Variants in DNAH11 observed in about 807,000 individuals in gnomAD.
DNAH11 encodes dynein axonemal heavy chain 11.
A neutral mutation model predicts 526.0 loss-of-function variants in DNAH11; 442 were observed. The observed-to-expected ratio is 0.84, with a 90% confidence interval of 0.78 to 0.91. The LOEUF is 0.91. Among genes scored for constraint, DNAH11 ranks in the 40% least tolerant of loss-of-function variants. The pLI, the probability that DNAH11 is intolerant of heterozygous loss-of-function variation, is 0.00. For synonymous variants in DNAH11, 2,461 were observed against 1,935.9 expected (o/e 1.27, Z -7.12); for missense variants, 6,989 against 5,448.7 (o/e 1.28, Z -8.90).
intron 54 of DNAH11, among the ~76,000 whole-genome samples, chr7:21,764,610 A>AG (rs906457409): frequency 6.6e-6 from 1 of 152,144 alleles, no homozygotes; most frequent in Non-Finnish European, 1.5e-5. Flanking sequence ...CACTTTACAC[A>AG]GGGTGTCTCT....
chr7:21,692,353 A>G (rs866760393), intron 35 of DNAH11, among the ~76,000 whole-genome samples: 12 of 152,152 alleles, frequency 7.9e-5, no homozygotes, highest in South Asian at 2.1e-4. Context: ...AGCCTCCCAT[A>G]CCAATAATGT....
intron 54 of DNAH11, among the ~76,000 whole-genome samples, chr7:21,763,212 A>G (rs1259030789): frequency 6.6e-6 from 1 of 151,728 alleles, no homozygotes; most frequent in Non-Finnish European, 1.5e-5. Context: ...CGTGGTGGCA[A>G]GTGTCTGTAG....
rs4615458 is a variant in DNAH11, at chr7:21,591,364, A to G, written c.2454A>G (p.Ala818=). 0.42 allele frequency: 680,479 copies of G among 1,613,416 alleles called. 148,040 individuals are homozygous for G. The highest frequency in any genetic ancestry group is 0.76 in the East Asian group (33,893 of 44,818). The change falls in exon 14 of 82, where the codon GCA becomes GCG. Residue 818 remains alanine, a synonymous_variant. Coordinates refer to ENST00000409508, the MANE Select transcript of DNAH11 (RefSeq NM_001277115.2). Reference sequence around the variant, plus strand: ...GGGGCTACATCGAGAGGGTGAGGGCAGCCACGTCCGAGTTGGAGCACAGAG... The same window carrying G: ...GGGGCTACATCGAGAGGGTGAGGGCGGCCACGTCCGAGTTGGAGCACAGAG... The part of the protein sequence containing the change: ...DCWGYIERVR[A]ATSELEHRVE...
chr7:21,852,337 G>A lies in DNAH11; in HGVS notation c.10897-130G>A, dbSNP rs545156323. 9 of 841,130 alleles carry A rather than the reference G, an allele frequency of 1.1e-5. No homozygotes were observed. The East Asian group carries it at 2.6e-4, about 25-fold the overall frequency. The allele number at this position is 841,130 out of a possible 1,614,324, so 52.1% of individuals were successfully genotyped here. ...CAGGAGAATCGCTTTAACCCAGGAG[G>A]CACACGTCGCAGTGAGCCAAGATCA... On this transcript the variant is annotated intron_variant, in intron 66 of 81. Transcript: ENST00000409508.
intron 59 of DNAH11, among the ~76,000 whole-genome samples, chr7:21,787,094 G>T (rs1788225456): frequency 6.6e-6 from 1 of 152,150 alleles, no homozygotes; most frequent in Non-Finnish European, 1.5e-5. Context: ...TGTATAGGAA[G>T]GTGAAGCACA....
rs140852919 is a variant in DNAH11 at position 21,702,963 on chromosome 7, G to C, written c.6273+161G>C. 7.0e-4 allele frequency among the ~76,000 whole-genome samples: 107 copies of C among 152,242 alleles called. 1 individual carries two copies. The highest frequency in any genetic ancestry group is 2.5e-3 in the African/African-American group (104 of 41,538). On this transcript the variant is annotated intron_variant, in intron 37 of 81. Transcript: ENST00000409508. ...TTGAGGATTGGCGTTCCTTATAAGA[G>C]GTCACAAGTGGTCTTGAGTACAAAG...
intron 51 of DNAH11, among the ~76,000 whole-genome samples, chr7:21,748,098 G>A (rs897187155): frequency 3.3e-5 from 5 of 152,188 alleles, no homozygotes; most frequent in Non-Finnish European, 7.3e-5. Flanking sequence ...TAGCGTCTTT[G>A]TTTGATGGGG....
intron 65 of DNAH11, among the ~76,000 whole-genome samples, chr7:21,828,200 C>T (rs540405702): frequency 1.3e-5 from 2 of 152,148 alleles, no homozygotes; most frequent in African/African-American, 2.4e-5. Flanking sequence ...CCACCCTCCT[C>T]GGTCTCCCAA....
intron 26 of DNAH11, among the ~76,000 whole-genome samples, chr7:21,636,907 A>G (rs1164953075): frequency 5.3e-5 from 8 of 152,152 alleles, no homozygotes; most frequent in Admixed American, 2.6e-4. Context: ...AAATAACACT[A>G]CTAGTTTCGG....
chr7:21,760,701 A>G (rs965800142), intron 54 of DNAH11, among the ~76,000 whole-genome samples: 1 of 152,130 alleles, frequency 6.6e-6, no homozygotes, highest in African/African-American at 2.4e-5. Context: ...TGCCTAACCA[A>G]CCATTTATGT....
intron 25 of DNAH11, among the ~76,000 whole-genome samples, chr7:21,621,233 A>C (rs1392496662): frequency 2.0e-5 from 3 of 152,202 alleles, no homozygotes; most frequent in African/African-American, 7.2e-5. Flanking sequence ...AGAAATGGAT[A>C]AATTCCTCGA....
At chr7:21,764,055 C>G (rs757947095) in intron 54 of DNAH11, among the ~76,000 whole-genome samples, 1 of 151,928 alleles carries the variant, frequency 6.6e-6, no homozygotes, top group African/African-American at 2.4e-5. Context: ...TAGAGAGTTT[C>G]CATTCAATGG....
chr7:21,716,792 T>A (rs895309716), intron 42 of DNAH11, among the ~76,000 whole-genome samples: 20 of 152,202 alleles, frequency 1.3e-4, no homozygotes, highest in African/African-American at 4.8e-4. Context: ...ACCATTTCTC[T>A]TGGACCTGAA....
At chr7:21,650,206 T>A (rs1244048079) in intron 28 of DNAH11, among the ~76,000 whole-genome samples, 1 of 152,200 alleles carries the variant, frequency 6.6e-6, no homozygotes, top group Admixed American at 6.5e-5. Context: ...TGCACTGATA[T>A]ACGGATATGT....
At chr7:21,900,599 C>G (rs1408248177) in intron 81 of DNAH11, among the ~76,000 whole-genome samples, 2 of 152,176 alleles carry the variant, frequency 1.3e-5, no homozygotes, top group African/African-American at 4.8e-5. Flanking sequence ...CCACAGGACA[C>G]TTAGTCCCTA....
intron 25 of DNAH11, 81 bp from the exon 26 acceptor site, chr7:21,635,788 CAG>C (rs1583550717): frequency 6.2e-6 from 7 of 1,133,686 alleles, no homozygotes; most frequent in South Asian, 3.8e-5. Context: ...CAGCAATAAA[CAG>C]AGTAGATATA....
intron 64 of DNAH11, among the ~76,000 whole-genome samples, chr7:21,817,575 C>T (rs533298410): frequency 6.6e-6 from 1 of 151,240 alleles, no homozygotes; most frequent in African/African-American, 2.4e-5. Context: ...TACCTGTAGT[C>T]CCAGCTACTT....
intron 14 of DNAH11, 99 bp downstream of exon 14, chr7:21,591,676 C>T (rs188556886): frequency 5.7e-6 from 7 of 1,224,884 alleles, no homozygotes; most frequent in East Asian, 2.5e-5. Context: ...TTTTATCAAG[C>T]CTGAAAGAGC....
intron 79 of DNAH11, among the ~76,000 whole-genome samples, chr7:21,898,622 C>A (rs4487645): frequency 0.26 from 38,840 of 152,082 alleles, 5,863 homozygotes; most frequent in Non-Finnish European, 0.33. Context: ...GGTTTCACTT[C>A]TCTCTTAATT....
Sources: allele counts gnomAD v4.1 joint callset (sites outside exome capture counted in the v4.1 genomes callset), GRCh38; gene constraint gnomAD v4.1.1; transcripts MANE v1.5; gene names NCBI Gene and HGNC (gene_info 2026-07-23, HGNC 2026-07-21).